The following WDR5 variants were observed in gnomAD, a reference collection of about 807,000 sequenced individuals.
The protein encoded by WDR5 is WD repeat-containing protein 5.
For synonymous variants in WDR5, 144 were observed against 161.6 expected, an observed-to-expected ratio of 0.89 and a Z score of 0.83; for missense variants, 187 against 416.9, an observed-to-expected ratio of 0.45 and a Z score of 4.80.
At chr9:134,144,151 G>A (rs1294502219) in intron 7 of WDR5, among the ~76,000 whole-genome samples, 1 of 152,262 alleles carries the variant, frequency 6.6e-6, no homozygotes, top group Non-Finnish European at 1.5e-5. Flanking sequence ...GTCAGGCCTG[G>A]GCGGGGCTGC....
intron 5 of WDR5, 105 bp from the exon 6 acceptor site, chr9:134,142,228 G>A (rs1393043102): frequency 2.0e-5 from 26 of 1,307,730 alleles, no homozygotes; most frequent in African/African-American, 4.3e-5. Flanking sequence ...AGTCACTGGC[G>A]GGGCATCAGG....
At chr9:134,137,239 C>T (rs1293324758) in intron 1 of WDR5, among the ~76,000 whole-genome samples, 3 of 152,114 alleles carry the variant, frequency 2.0e-5, no homozygotes, top group Admixed American at 1.3e-4. Flanking sequence ...GCAGTGGCTG[C>T]TAGGAGGAGC....
chr9:134,146,376 A>T (rs1453943641), intron 7 of WDR5, among the ~76,000 whole-genome samples: 1 of 152,096 alleles, frequency 6.6e-6, no homozygotes, highest in Admixed American at 6.5e-5. Flanking sequence ...CTGGGACTAC[A>T]GGTTCATGCC....
chr9:134,145,096 G>GTTGTTTTTTTTTT (rs1554726635), intron 7 of WDR5, among the ~76,000 whole-genome samples: 5 of 104,664 alleles, frequency 4.8e-5, no homozygotes, highest in African/African-American at 1.7e-4. Context: ...GTGGGGCTTT[G>GTTGTTTTTTTTTT]TTTTTTTTTT....
chr9:134,152,117 CCCT>C, intron 9 of WDR5, 88 bp downstream of exon 9: 1 of 1,467,336 alleles, frequency 6.8e-7, no homozygotes, highest in Non-Finnish European at 9.3e-7. Context: ...AGCTCCTCCT[CCCT>C]CCTCTGCCCT....
At chr9:134,147,588 T>C (rs960708957) in intron 7 of WDR5, among the ~76,000 whole-genome samples, 1 of 152,092 alleles carries the variant, frequency 6.6e-6, no homozygotes, top group African/African-American at 2.4e-5. Context: ...TACTAGACAG[T>C]AGAAGCAGAC....
chr9:134,143,978 C>T (rs903318363), intron 7 of WDR5, among the ~76,000 whole-genome samples: 3 of 152,224 alleles, frequency 2.0e-5, no homozygotes, highest in South Asian at 2.1e-4. Context: ...CGTTGAGAAG[C>T]GGAAGGAAGG....
rs1831790900 is a variant in WDR5, at chr9:134,139,939, C to T, written c.62C>T (p.Ser21Leu). 1 of 1,613,632 alleles carries T rather than the reference C, an allele frequency of 6.2e-7. No individual in the cohort carries two copies. The highest frequency in any genetic ancestry group is 8.5e-7 in the Non-Finnish European group (1 of 1,180,010). ...EAARAQPTPS[S>L]SATQSKPTPV... ...GCCAGAGCACAGCCAACCCCTTCGT[C>T]ATCCGCCACTCAGAGCAAGGTGCGT... The change falls in exon 2 of 14, where the codon TCA (serine) becomes TTA (leucine). Residue 21 changes from serine to leucine, a missense_variant. Transcript: ENST00000358625.
At chr9:134,139,744 C>A (rs960442324) in intron 1 of WDR5, 76 bp from the exon 2 acceptor site, 35 of 951,442 alleles carry the variant, frequency 3.7e-5, no homozygotes, top group Non-Finnish European at 4.5e-5. Flanking sequence ...TTTTTCTTTT[C>A]ATCCTTTTTC....
At chr9:134,142,195 C>T (rs941515500) in intron 5 of WDR5, 138 bp from the exon 6 acceptor site, 9 of 1,090,600 alleles carry the variant, frequency 8.3e-6, no homozygotes, top group African/African-American at 4.7e-5. Flanking sequence ...TGGGGGAGGC[C>T]GAGTTGACTT....
intron 5 of WDR5, 75 bp from the exon 6 acceptor site, chr9:134,142,258 C>T: frequency 2.7e-6 from 4 of 1,489,326 alleles, no homozygotes; most frequent in Non-Finnish European, 3.7e-6. Context: ...GGATGTCAGA[C>T]ATTGATGAAT....
chr9:134,137,607 C>G (rs1831632112), intron 1 of WDR5, among the ~76,000 whole-genome samples: 1 of 146,882 alleles, frequency 6.8e-6, no homozygotes, highest in South Asian at 2.1e-4. Flanking sequence ...TTACTTGAAC[C>G]CGGAAGGTGG....
chr9:134,148,526 G>T (rs1431504098), intron 8 of WDR5, among the ~76,000 whole-genome samples, 183 bp downstream of exon 8: 3 of 152,108 alleles, frequency 2.0e-5, no homozygotes, highest in African/African-American at 7.2e-5. Flanking sequence ...GGGGTTGGCA[G>T]CACAGGTGGT....
At chr9:134,155,824 T>C in intron 12 of WDR5, 57 bp downstream of exon 12, 1 of 1,525,658 alleles carries the variant, frequency 6.6e-7, no homozygotes, top group Admixed American at 1.7e-5. Flanking sequence ...TCCCGAGAGG[T>C]CACACCTGTT....
intron 1 of WDR5, 117 bp downstream of exon 1, chr9:134,136,317 C>T (rs1831549858): frequency 6.7e-6 from 1 of 150,074 alleles, no homozygotes; most frequent in South Asian, 2.1e-4. Context: ...GGGCCAGGCC[C>T]AGCCCCGGGC....
At chr9:134,149,732 G>C (rs1332023193) in intron 8 of WDR5, among the ~76,000 whole-genome samples, 1 of 152,232 alleles carries the variant, frequency 6.6e-6, no homozygotes, top group African/African-American at 2.4e-5. Flanking sequence ...TGTCTTCTTT[G>C]ATGAGGCTAG....
At chr9:134,146,185 T>A (rs573143878) in intron 7 of WDR5, among the ~76,000 whole-genome samples, 1 of 151,340 alleles carries the variant, frequency 6.6e-6, no homozygotes, top group Non-Finnish European at 1.5e-5. Flanking sequence ...GCCGGGATGG[T>A]CTCGATCTCC....
intron 9 of WDR5, among the ~76,000 whole-genome samples, chr9:134,152,938 T>G (rs1832567308): frequency 6.6e-6 from 1 of 152,200 alleles, no homozygotes; most frequent in Non-Finnish European, 1.5e-5. Context: ...TGTCCTCTTG[T>G]AAGGACACCA....
intron 7 of WDR5, among the ~76,000 whole-genome samples, chr9:134,143,304 G>A (rs1182517561): frequency 2.0e-5 from 3 of 152,190 alleles, no homozygotes; most frequent in African/African-American, 7.2e-5. Context: ...ACTTTGGGAG[G>A]CCGAGGCGGG....
Sources: allele counts gnomAD v4.1 joint callset (sites outside exome capture counted in the v4.1 genomes callset), GRCh38; gene constraint gnomAD v4.1.1; transcripts MANE v1.5; gene names NCBI Gene and HGNC (gene_info 2026-07-23, HGNC 2026-07-21).